LRRC40: variants seen among roughly 807,000 people sequenced by gnomAD.
LRRC40 encodes leucine rich repeat containing 40, also known as leucine-rich repeat-containing protein 40.
In LRRC40, 76 loss-of-function variants were observed where a neutral mutation model predicts 72.8. That is an observed-to-expected ratio of 1.04 (90% CI 0.87 to 1.26). LRRC40 has a LOEUF of 1.26. Ranked by LOEUF, LRRC40 falls within the 50% of genes most tolerant of loss-of-function variation. The pLI, the probability that LRRC40 is intolerant of heterozygous loss-of-function variation, is 0.00. For synonymous variants in LRRC40, 243 were observed against 254.2 expected (o/e 0.96, Z 0.42); for missense variants, 684 against 698.9 (o/e 0.98, Z 0.24).
chr1:70,147,168 T>TG (rs1667326817), intron 14 of LRRC40: 1 of 152,276 alleles, frequency 6.6e-6, no homozygotes, highest in South Asian at 2.1e-4. Flanking sequence ...AGCAAAAAAT[T>TG]GGAGTCACCC....
chr1:70,169,293 T>C (rs1667953514), intron 9 of LRRC40, among the ~76,000 whole-genome samples: 1 of 152,248 alleles, frequency 6.6e-6, no homozygotes. Flanking sequence ...TGCTACTTGT[T>C]GCACCCTTGC....
chr1:70,156,712 T>C (rs1667645821), intron 10 of LRRC40, among the ~76,000 whole-genome samples: 1 of 152,094 alleles, frequency 6.6e-6, no homozygotes, highest in African/African-American at 2.4e-5. Flanking sequence ...GGGCAGCATA[T>C]ACAGCATAGA....
chr1:70,187,932 T>C (rs1405857054), intron 2 of LRRC40, among the ~76,000 whole-genome samples: 1 of 145,828 alleles, frequency 6.9e-6, no homozygotes, highest in African/African-American at 2.5e-5. Flanking sequence ...TTAAATATTA[T>C]ACTAAGAAAA....
Position 70,189,204 on chromosome 1 carries a change from G to A in LRRC40, c.221C>T (p.Ala74Val). 6.2e-7 allele frequency: 1 copy of A among 1,611,318 alleles called. No individual in the cohort carries two copies. The highest frequency in any genetic ancestry group is 2.2e-5 in the East Asian group (1 of 44,736). The change falls in exon 2 of 15, where the codon GCT becomes GTT. Residue 74 changes from alanine (A) to valine (V), a missense_variant. Coordinates refer to ENST00000370952, the MANE Select transcript of LRRC40 (RefSeq NM_017768.5). ...TGTCTGCTCCCACCATCTTTCAGTA[G>A]CACCAAACGAAAGATTCTGATTAGC... is the stretch of plus-strand genomic sequence containing the variant. Reference protein sequence around the residue: ...EEANQNLSFGATERWWEQTDL... With the variant: ...EEANQNLSFGVTERWWEQTDL...
At chr1:70,179,995 T>C (rs938656145) in intron 5 of LRRC40, 8 of 152,108 alleles carry the variant, frequency 5.3e-5, no homozygotes. Flanking sequence ...CAGGCAATCA[T>C]TTCTATGACT....
intron 1 of LRRC40, among the ~76,000 whole-genome samples, chr1:70,194,988 T>C (rs1331483772): frequency 6.6e-6 from 1 of 152,132 alleles, no homozygotes; most frequent in East Asian, 1.9e-4. Context: ...TTTCAACAAA[T>C]GGTACTGGAA....
intron 12 of LRRC40, 40 bp downstream of exon 12, chr1:70,152,393 A>G (rs1418624056): frequency 1.9e-6 from 2 of 1,039,300 alleles, no homozygotes; most frequent in Admixed American, 1.9e-5. Flanking sequence ...AAGACAAGTT[A>G]TAACTTTTTA....
chr1:70,165,940 C>T (rs1248659135), intron 9 of LRRC40, among the ~76,000 whole-genome samples: 1 of 152,122 alleles, frequency 6.6e-6, no homozygotes, highest in Non-Finnish European at 1.5e-5. Flanking sequence ...TACTTATTAC[C>T]TATAAATAAT....
At chr1:70,189,419 G>T in intron 1 of LRRC40, 146 bp from the exon 2 acceptor site, 1 of 652,660 alleles carries the variant, frequency 1.5e-6, no homozygotes, top group Non-Finnish European at 2.5e-6. Flanking sequence ...AAGTTAAATA[G>T]CAATAAATAT....
At chr1:70,187,990 G>T (rs1378131887) in intron 2 of LRRC40, among the ~76,000 whole-genome samples, 2 of 151,904 alleles carry the variant, frequency 1.3e-5, no homozygotes, top group South Asian at 2.1e-4. Flanking sequence ...AGATGAGGGG[G>T]TTAGAAACTA....
At chr1:70,203,591 G>A (rs1668795319) in intron 1 of LRRC40, among the ~76,000 whole-genome samples, 1 of 152,192 alleles carries the variant, frequency 6.6e-6, no homozygotes, top group African/African-American at 2.4e-5. Flanking sequence ...GTGCTGCCAT[G>A]ATAACAGCAA....
At chr1:70,167,507 C>A (rs1290222412) in intron 9 of LRRC40, among the ~76,000 whole-genome samples, 1 of 152,052 alleles carries the variant, frequency 6.6e-6, no homozygotes, top group African/African-American at 2.4e-5. Context: ...ATGCAGTGAG[C>A]TGAGATTGCA....
rs1292863232 is a variant in LRRC40, at chr1:70,187,302, T to C, written c.370A>G (p.Ile124Val). The C allele has an allele frequency of 3.1e-6, 5 of 1,588,850 alleles. No individual in the cohort carries two copies. The highest frequency in any genetic ancestry group is 2.7e-5 in the African/African-American group (2 of 74,202). The change falls in exon 3 of 15, where the codon ATA (isoleucine) becomes GTA (valine). Residue 124 changes from isoleucine to valine, a missense_variant. By Grantham distance (29) the Ile-to-Val change is conservative. Coordinates refer to ENST00000370952, the MANE Select transcript of LRRC40 (RefSeq NM_017768.5). ...TTCTGAAGATTTTCTAGCTCTCTTA[T>C]AGCAGAAGGAAGGGATGTCAACTGA... is the stretch of plus-strand genomic sequence containing the variant. ...DNQLTSLPSA[I>V]RELENLQKLN...
chr1:70,193,435 A>G (rs1481452751), intron 1 of LRRC40, among the ~76,000 whole-genome samples: 1 of 152,034 alleles, frequency 6.6e-6, no homozygotes, highest in African/African-American at 2.4e-5. Context: ...AATAGAAAGT[A>G]GCCTTGCATC....
At chr1:70,182,569 A>C (rs1453777813) in intron 4 of LRRC40, among the ~76,000 whole-genome samples, 1 of 151,890 alleles carries the variant, frequency 6.6e-6, no homozygotes, top group African/African-American at 2.4e-5. Flanking sequence ...AAGCATTTTT[A>C]AAAACCCAAA....
intron 9 of LRRC40, among the ~76,000 whole-genome samples, chr1:70,160,909 A>C (rs12144415): frequency 0.02 from 3,078 of 152,212 alleles, 44 homozygotes; most frequent in Non-Finnish European, 0.032. Context: ...AAACACAATA[A>C]ATAAAAGTAG....
intron 1 of LRRC40, among the ~76,000 whole-genome samples, chr1:70,203,162 T>G (rs536229730): frequency 6.6e-6 from 1 of 152,224 alleles, no homozygotes; most frequent in Non-Finnish European, 1.5e-5. Context: ...GCCAGAGTGC[T>G]GGGATTACAG....
intron 7 of LRRC40, among the ~76,000 whole-genome samples, chr1:70,174,625 C>T (rs895480439): frequency 6.6e-6 from 1 of 152,066 alleles, no homozygotes; most frequent in Admixed American, 6.6e-5. Flanking sequence ...ACTACTGATA[C>T]ATACAACCAC....
At chr1:70,153,278 C>T (rs551048911) in intron 11 of LRRC40, among the ~76,000 whole-genome samples, 1 of 152,050 alleles carries the variant, frequency 6.6e-6, no homozygotes, top group African/African-American at 2.4e-5. Flanking sequence ...AAGAGAATTG[C>T]TTGAGCCTGG....
Sources: gnomAD v4.1 joint callset for allele counts (sites outside exome capture counted in the v4.1 genomes callset) on GRCh38, gnomAD v4.1.1 for gene constraint, MANE v1.5 for transcripts, NCBI Gene and HGNC (gene_info 2026-07-23, HGNC 2026-07-21) for gene names.